The following NCAPD3 variants were observed in gnomAD, a reference collection of about 807,000 sequenced individuals.
NCAPD3 encodes the protein non-SMC condensin II complex subunit D3.
Under a neutral mutation model 182.9 loss-of-function variants are expected in NCAPD3, and 105 were observed. The ratio of observed to expected loss-of-function variants is 0.57; its 90% CI spans 0.49 to 0.68. The LOEUF (loss-of-function observed/expected upper bound fraction) is 0.68, where lower values mean the gene tolerates loss of function less well. NCAPD3 is among the 30% of genes least tolerant of loss of function. The pLI is 0.00. For missense variants in NCAPD3, 1,944 were observed against 1,837.0 expected (o/e 1.06, Z -1.07); for synonymous variants, 815 against 679.9 (o/e 1.20, Z -3.09).
At chr11:134,189,845 T>C (rs983815342) in intron 16 of NCAPD3, among the ~76,000 whole-genome samples, 2 of 152,244 alleles carry the variant, frequency 1.3e-5, no homozygotes, top group Non-Finnish European at 2.9e-5. Context: ...TTAAATTCTA[T>C]TCTATTTGAT....
Position 134,184,661 on chromosome 11 carries a change from A to T in NCAPD3, c.2427T>A (p.Ser809=). The change falls in exon 19 of 35, where the codon TCT becomes TCA. Residue 809 remains serine (S), a synonymous_variant. Transcript: ENST00000534548. ...VDALQRLCRA[S]AETPAEEQEL... ...CCTGCTCCTCTGCTGGTGTCTCTGC[A>T]GATGCTCTACAAAGCCTCTGCAAGG... The T allele has an allele frequency of 6.2e-7, 1 of 1,613,122 alleles. No individual in the cohort carries two copies. Among genetic ancestry groups the T allele is most frequent in the Admixed American group, 1.7e-5 (1 of 59,876 alleles).
In NCAPD3 at chr11:134,178,060, AAAAT is replaced by A. The variant is rs1232556764; in HGVS notation, c.2782+570_2782+573del. ...TGAAATATACACTCACACTAAAGGA[AAAAT>A]AAAAAAACAAAAAAACAAAATACAA... On this transcript the variant is annotated intron_variant, in intron 22 of 34. Coordinates refer to ENST00000534548, the MANE Select transcript of NCAPD3 (RefSeq NM_015261.3). 2.0e-5 allele frequency: 3 copies of A among 152,422 alleles called. No homozygotes were observed. In the East Asian group the frequency reaches 5.8e-4, roughly 29 times the overall value. The allele number at this position is 152,422 out of a possible 1,614,324, so 9.4% of individuals were successfully genotyped here. A position where few individuals can be genotyped will look rare whatever the true frequency, so the allele number is the denominator to read the frequency against.
chr11:134,181,508 C>T (rs983495690), intron 19 of NCAPD3, among the ~76,000 whole-genome samples: 6 of 152,172 alleles, frequency 3.9e-5, no homozygotes, highest in African/African-American at 1.4e-4. Flanking sequence ...AGTAGTGCTC[C>T]TCCAAAAATA....
chr11:134,208,741 G>T, intron 7 of NCAPD3, 123 bp downstream of exon 7: 2 of 689,652 alleles, frequency 2.9e-6, no homozygotes, highest in Non-Finnish European at 2.5e-6. Context: ...ATAATATAAG[G>T]TCATGAAAAT....
chr11:134,217,313 CAT>C (rs2136029665), intron 2 of NCAPD3, among the ~76,000 whole-genome samples: 1 of 152,198 alleles, frequency 6.6e-6, no homozygotes, highest in East Asian at 1.9e-4. Flanking sequence ...ATGTATATAA[CAT>C]ATTTAAATAA....
At chr11:134,187,807 G>A (rs1944441259) in intron 16 of NCAPD3, among the ~76,000 whole-genome samples, 1 of 152,226 alleles carries the variant, frequency 6.6e-6, no homozygotes, top group Admixed American at 6.5e-5. Context: ...CTGGAGGAGA[G>A]GAAGTGCACT....
chr11:134,182,839 T>C (rs182874274), intron 19 of NCAPD3, among the ~76,000 whole-genome samples: 2 of 152,328 alleles, frequency 1.3e-5, no homozygotes, highest in Admixed American at 1.3e-4. Context: ...GAGAAGCGTG[T>C]TTAGGGGAAA....
chr11:134,185,015 G>A lies in NCAPD3; in HGVS notation c.2238-15C>T, dbSNP rs1944374305. 6.3e-7 allele frequency: 1 copy of A among 1,576,104 alleles called. No homozygotes were observed. Among genetic ancestry groups the A allele is most frequent in the South Asian group, 1.1e-5 (1 of 90,252 alleles). ...GATTCTGCTGACTAGAGAAAGGGCA[G>A]GAGGAATATGAAGGGAGAAGCAAGT... is the stretch of plus-strand genomic sequence containing the variant. On this transcript the variant is annotated splice_polypyrimidine_tract_variant and intron_variant, in intron 17 of 34. Coordinates refer to ENST00000534548, the MANE Select transcript of NCAPD3 (RefSeq NM_015261.3).
At position 134,152,892 on chromosome 11, in the gene NCAPD3, G is replaced by T; in HGVS notation, c.*52C>A. 1 of 1,397,524 alleles carries T rather than the reference G, an allele frequency of 7.2e-7. No homozygotes were observed. The highest frequency in any genetic ancestry group is 1.4e-5 in the South Asian group (1 of 72,180). The allele number at this position is 1,397,524 out of a possible 1,614,324, so 86.6% of individuals were successfully genotyped here. A position where few individuals can be genotyped will look rare whatever the true frequency, so the allele number is the denominator to read the frequency against. ...AGCTGCCTTCACACGGAGGACACGA[G>T]ACTGCTTCCTCAAGGGCTCCTGCCT... On this transcript the variant is annotated 3_prime_UTR_variant, in exon 35 of 35. Transcript: ENST00000534548.
chr11:134,152,856 G>A lies in NCAPD3; in HGVS notation c.*88C>T. 1.8e-6 allele frequency: 2 copies of A among 1,086,342 alleles called. No individual in the cohort carries two copies. Among genetic ancestry groups the A allele is most frequent in the Non-Finnish European group, 2.7e-6 (2 of 746,482 alleles). The allele number at this position is 1,086,342 out of a possible 1,614,324, so 67.3% of individuals were successfully genotyped here. A position where few individuals can be genotyped will look rare whatever the true frequency, so the allele number is the denominator to read the frequency against. On this transcript the variant is annotated 3_prime_UTR_variant, in exon 35 of 35. Transcript: ENST00000534548. ...AGCAAAGCGCTGCCCAAGGACTGCG[G>A]GAAGTGATCCAGCTGCCTTCACACG...
rs745412901 is a variant in NCAPD3 at position 134,185,005 on chromosome 11, AG to A, written c.2238-6del. 1.3e-6 allele frequency: 2 copies of A among 1,596,746 alleles called. No individual in the cohort carries two copies. Among genetic ancestry groups the A allele is most frequent in the African/African-American group, 1.3e-5 (1 of 74,642 alleles). ...TTTGAATTGGGATTCTGCTGACTAG[AG>A]AAAGGGCAGGAGGAATATGAAGGGA... On this transcript the variant is annotated splice_polypyrimidine_tract_variant and splice_region_variant and intron_variant, in intron 17 of 34. Coordinates refer to ENST00000534548, the MANE Select transcript of NCAPD3 (RefSeq NM_015261.3).
Position 134,223,945 on chromosome 11 carries a change from C to A in NCAPD3, c.-19G>T, listed in dbSNP as rs754796989. 1 of 1,609,376 alleles carries A rather than the reference C, an allele frequency of 6.2e-7. No individual in the cohort carries two copies. Among genetic ancestry groups the A allele is most frequent in the African/African-American group, 1.3e-5 (1 of 75,014 alleles). On this transcript the variant is annotated 5_prime_UTR_variant, in exon 1 of 35. Coordinates refer to ENST00000534548, the MANE Select transcript of NCAPD3 (RefSeq NM_015261.3). The stretch of plus-strand genomic sequence containing the variant: ...CCACCATGATCCCAGGGCACCGGCT[C>A]GCCGCCGCCGTGCTCAACTTTCAAA...
At chr11:134,174,868 G>A (rs1360902838) in intron 24 of NCAPD3, among the ~76,000 whole-genome samples, 3 of 152,022 alleles carry the variant, frequency 2.0e-5, no homozygotes, top group East Asian at 3.8e-4. Context: ...ATTATTACAC[G>A]TCAAATAAAA....
At position 134,159,833 on chromosome 11, in the gene NCAPD3, A is replaced by G; in HGVS notation, c.3867+59T>C. ...TTGAGAGGTGCCAGACAAACGACAG[A>G]CTGGTAGCAGACAGCAGACTGGACT... On this transcript the variant is annotated intron_variant, in intron 29 of 34. Coordinates refer to ENST00000534548, the MANE Select transcript of NCAPD3 (RefSeq NM_015261.3). 3 of 1,528,242 alleles carry G rather than the reference A, an allele frequency of 2.0e-6. No homozygotes were observed. The South Asian group carries it at 3.6e-5, about 19-fold the overall frequency. 94.7% of individuals were successfully genotyped at this position (1,528,242 alleles called of 1,614,324 possible).
upstream of NCAPD3, chr11:134,224,345 C>A: frequency 3.6e-6 from 1 of 279,376 alleles, no homozygotes; most frequent in Non-Finnish European, 6.9e-6. Flanking sequence ...TTCCCGTCAG[C>A]ACTCGAACAG....
At chr11:134,178,551 A>G in intron 22 of NCAPD3, 83 bp downstream of exon 22, 1 of 1,108,014 alleles carries the variant, frequency 9.0e-7, no homozygotes, top group South Asian at 1.7e-5. Flanking sequence ...GCAGCCCCTG[A>G]CACAGTCCCA....
At chr11:134,211,797 A>G (rs956963422) in intron 3 of NCAPD3, among the ~76,000 whole-genome samples, 1 of 152,240 alleles carries the variant, frequency 6.6e-6, no homozygotes. Context: ...TGAAACAAAG[A>G]TAAGTGAACT....
intron 7 of NCAPD3, among the ~76,000 whole-genome samples, chr11:134,208,358 C>T (rs1398251945): frequency 6.6e-6 from 1 of 152,172 alleles, no homozygotes; most frequent in African/African-American, 2.4e-5. Context: ...GAGGCAAAAC[C>T]CAGGTATCCA....
intron 24 of NCAPD3, among the ~76,000 whole-genome samples, chr11:134,171,750 G>A (rs1944010989): frequency 6.6e-6 from 1 of 152,006 alleles, no homozygotes; most frequent in South Asian, 2.1e-4. Context: ...GGTGAATCAG[G>A]CCCTACCCTC....
Sources: gnomAD v4.1 joint callset for allele counts (sites outside exome capture counted in the v4.1 genomes callset) on GRCh38, gnomAD v4.1.1 for gene constraint, MANE v1.5 for transcripts, NCBI Gene and HGNC (gene_info 2026-07-23, HGNC 2026-07-21) for gene names.